SLC9A9: variants seen among roughly 807,000 people sequenced by gnomAD.
The protein encoded by SLC9A9 is solute carrier family 9 member A9.
Under a neutral mutation model 77.8 loss-of-function variants are expected in SLC9A9, and 62 were observed. The observed-to-expected ratio is 0.80, with a 90% CI of 0.65 to 0.98. The LOEUF (loss-of-function observed/expected upper bound fraction) is 0.98, where lower values mean the gene tolerates loss of function less well. SLC9A9 is among the 50% of genes least tolerant of loss of function. The pLI is 0.00. For synonymous variants in SLC9A9, 320 were observed against 283.5 expected (o/e 1.13, Z -1.29); for missense variants, 775 against 774.9 (o/e 1.00, Z 0.00).
intron 4 of SLC9A9, among the ~76,000 whole-genome samples, chr3:143,715,549 AATTG>A (rs1298157378): frequency 6.6e-6 from 1 of 152,232 alleles, no homozygotes; most frequent in African/African-American, 2.4e-5. Context: ...TTAATTATGT[AATTG>A]ATTGTCTTGT....
At chr3:143,287,774 G>A (rs1322092590) in intron 14 of SLC9A9, among the ~76,000 whole-genome samples, 1 of 152,172 alleles carries the variant, frequency 6.6e-6, no homozygotes, top group East Asian at 1.9e-4. Context: ...ACTGTAATTA[G>A]GAATGGCCGG....
intron 2 of SLC9A9, 116 bp from the exon 3 acceptor site, chr3:143,797,019 T>C (rs2008404047): frequency 5.3e-6 from 4 of 755,946 alleles, no homozygotes; most frequent in Non-Finnish European, 8.9e-6. Context: ...GCATATTAAC[T>C]ATTAACTTGG....
chr3:143,643,007 T>C (rs80185327), intron 6 of SLC9A9, among the ~76,000 whole-genome samples: 1,887 of 152,342 alleles, frequency 0.012, 42 homozygotes, highest in African/African-American at 0.043. Context: ...AGGGTGCTTG[T>C]CCTTCTGATT....
intron 5 of SLC9A9, among the ~76,000 whole-genome samples, chr3:143,689,018 T>C (rs1391148618): frequency 2.0e-5 from 3 of 152,066 alleles, no homozygotes; most frequent in Non-Finnish European, 4.4e-5. Flanking sequence ...CATACAATCT[T>C]ACTCATAATA....
intron 14 of SLC9A9, among the ~76,000 whole-genome samples, chr3:143,328,247 G>A (rs1333605356): frequency 6.6e-6 from 1 of 152,162 alleles, no homozygotes; most frequent in African/African-American, 2.4e-5. Flanking sequence ...AACTATGTGT[G>A]GGACATATGG....
chr3:143,643,347 G>A (rs557537013), intron 6 of SLC9A9, among the ~76,000 whole-genome samples: 3 of 152,090 alleles, frequency 2.0e-5, no homozygotes, highest in Non-Finnish European at 2.9e-5. Context: ...GGCAAGTTTC[G>A]TTGCTATTTC....
At chr3:143,769,355 C>T (rs1381107615) in intron 4 of SLC9A9, among the ~76,000 whole-genome samples, 1 of 151,992 alleles carries the variant, frequency 6.6e-6, no homozygotes, top group Admixed American at 6.6e-5. Context: ...CTCTTTATTC[C>T]CCTTGATGGA....
intron 8 of SLC9A9, among the ~76,000 whole-genome samples, chr3:143,567,626 T>C (rs2037189006): frequency 6.6e-6 from 1 of 152,190 alleles, no homozygotes; most frequent in South Asian, 2.1e-4. Flanking sequence ...TATTGAACAC[T>C]GGCAGGTGCA....
intron 5 of SLC9A9, among the ~76,000 whole-genome samples, chr3:143,664,054 G>GA (rs2039022737): frequency 6.6e-6 from 1 of 151,966 alleles, no homozygotes; most frequent in African/African-American, 2.4e-5. Flanking sequence ...TGAAATGAAG[G>GA]AAAAAATGTT....
intron 14 of SLC9A9, among the ~76,000 whole-genome samples, chr3:143,283,940 C>A (rs145262238): frequency 0.015 from 2,231 of 152,126 alleles, 23 homozygotes; most frequent in Non-Finnish European, 0.024. Context: ...CACTAGAGAG[C>A]AAATTAAACC....
At chr3:143,795,281 G>GAAAAAAAA (rs776525691) in intron 3 of SLC9A9, among the ~76,000 whole-genome samples, 2 of 72,168 alleles carry the variant, frequency 2.8e-5, no homozygotes, top group African/African-American at 1.0e-4. Context: ...TCAAGAAGCA[G>GAAAAAAAA]AAAAAAAAAA....
Position 143,266,899 on chromosome 3 carries a change from T to A in SLC9A9, c.1741A>T (p.Ile581Phe). 1 of 1,614,096 alleles carries A rather than the reference T, an allele frequency of 6.2e-7. No homozygotes were observed. ...ATGGCTAGTTCATCCTGGTTTACAATGCATTCCACATCATCCTCTTTTAGC... is the reference window on the plus strand; with the variant it reads ...ATGGCTAGTTCATCCTGGTTTACAAAGCATTCCACATCATCCTCTTTTAGC... The part of the protein sequence containing the change: ...EQLKEDDVEC[I>F]VNQDELAINY... Residue 581 changes from isoleucine to phenylalanine, a missense_variant, in exon 16 of 16, where the codon ATT (isoleucine) becomes TTT (phenylalanine). By Grantham distance (21) the Ile-to-Phe change is conservative. Coordinates refer to ENST00000316549, the MANE Select transcript of SLC9A9 (RefSeq NM_173653.4).
At chr3:143,270,490 C>T (rs920572) in intron 14 of SLC9A9, among the ~76,000 whole-genome samples, 47,629 of 151,538 alleles carry the variant, frequency 0.31, 10,714 homozygotes, top group African/African-American at 0.64. Context: ...CAGACTCAGG[C>T]TGGGGTACGT....
At chr3:143,457,239 A>G (rs2035110799) in intron 12 of SLC9A9, among the ~76,000 whole-genome samples, 1 of 152,068 alleles carries the variant, frequency 6.6e-6, no homozygotes, top group South Asian at 2.1e-4. Context: ...ACTGCTGTCA[A>G]ACTCCTGGGC....
rs183389088 is a variant in SLC9A9 at position 143,411,104 on chromosome 3, A to G, written c.1470-28990T>C. The stretch of plus-strand genomic sequence containing the variant: ...TTTAACAATCCTTATAAATTTATTA[A>G]GAATTTCTTTATGTCTACAGGTGTC... On this transcript the variant is annotated intron_variant, in intron 12 of 15. Transcript: ENST00000316549. Among the ~76,000 whole-genome samples, 424 of 152,340 alleles carry G rather than the reference A, an allele frequency of 2.8e-3. 1 individual carries two copies. The highest frequency in any genetic ancestry group is 9.7e-3 in the African/African-American group (403 of 41,592).
intron 9 of SLC9A9, among the ~76,000 whole-genome samples, chr3:143,521,665 G>A (rs188602476): frequency 1.4e-4 from 22 of 151,860 alleles, no homozygotes; most frequent in African/African-American, 4.8e-4. Flanking sequence ...TGTCTCCTCT[G>A]TGTAGAAAGT....
Position 143,670,017 on chromosome 3 carries a change from T to G in SLC9A9, c.650-17657A>C, listed in dbSNP as rs377058952. Among the ~76,000 whole-genome samples, 3 of 152,254 alleles carry G rather than the reference T, an allele frequency of 2.0e-5. No individual in the cohort carries two copies. In the East Asian group the frequency reaches 5.8e-4, roughly 29 times the overall value. On this transcript the variant is annotated intron_variant, in intron 5 of 15. Coordinates refer to ENST00000316549, the MANE Select transcript of SLC9A9 (RefSeq NM_173653.4). ...TTTAACACTTAAAAATAACTTCAAATGAGAAAAAGTAGATATTATCAAGCA... is the reference window on the plus strand; with the variant it reads ...TTTAACACTTAAAAATAACTTCAAAGGAGAAAAAGTAGATATTATCAAGCA...
chr3:143,491,074 C>A (rs1047729967), intron 11 of SLC9A9, among the ~76,000 whole-genome samples: 2 of 152,144 alleles, frequency 1.3e-5, no homozygotes, highest in African/African-American at 4.8e-5. Flanking sequence ...GATGATTGTG[C>A]CCTTGAGTTC....
intron 4 of SLC9A9, among the ~76,000 whole-genome samples, chr3:143,738,993 G>A (rs1210140703): frequency 6.6e-6 from 1 of 152,088 alleles, no homozygotes; most frequent in African/African-American, 2.4e-5. Context: ...GAGTCTCCAA[G>A]TCATAGGCTT....
Sources: gnomAD v4.1 joint callset for allele counts (sites outside exome capture counted in the v4.1 genomes callset) on GRCh38, gnomAD v4.1.1 for gene constraint, MANE v1.5 for transcripts, NCBI Gene and HGNC (gene_info 2026-07-23, HGNC 2026-07-21) for gene names.